Variants in CCDC170 observed in about 807,000 individuals in gnomAD.
The protein encoded by CCDC170 is coiled-coil domain containing 170, also known as coiled-coil domain-containing protein 170.
A neutral mutation model predicts 72.6 loss-of-function variants in CCDC170; 69 were observed. That is an observed-to-expected ratio of 0.95 (90% confidence interval 0.78 to 1.16). CCDC170 has a LOEUF of 1.16. CCDC170 is among the 50% of genes most tolerant of loss of function. The pLI, the probability that CCDC170 is intolerant of heterozygous loss-of-function variation, is 0.00. For missense variants in CCDC170, 852 were observed against 832.5 expected (o/e 1.02, Z -0.29); for synonymous variants, 300 against 303.9 (o/e 0.99, Z 0.13).
chr6:151,575,525 C>CTTTTTTTTTTTTTTTTTTTTTTTT (rs869185539), intron 6 of CCDC170, among the ~76,000 whole-genome samples: 1 of 79,664 alleles, frequency 1.3e-5, no homozygotes, highest in Non-Finnish European at 2.1e-5. Flanking sequence ...TCTTTTCTTT[C>CTTTTTTTTTTTTTTTTTTTTTTTT]TTTTTTTTTT....
chr6:151,509,612 T>G (rs1361364349), intron 1 of CCDC170, among the ~76,000 whole-genome samples: 1 of 152,160 alleles, frequency 6.6e-6, no homozygotes, highest in African/African-American at 2.4e-5. Flanking sequence ...ATGTGTACAG[T>G]TATGAACGTG....
At chr6:151,534,207 G>A (rs1469595768) in intron 1 of CCDC170, among the ~76,000 whole-genome samples, 1 of 151,762 alleles carries the variant, frequency 6.6e-6, no homozygotes, top group East Asian at 1.9e-4. Flanking sequence ...TGGGACAACA[G>A]GAACATGCCA....
intron 9 of CCDC170, among the ~76,000 whole-genome samples, chr6:151,598,260 T>A (rs1034417951): frequency 1.3e-5 from 2 of 152,132 alleles, no homozygotes; most frequent in African/African-American, 4.8e-5. Flanking sequence ...TAGGGTGGAA[T>A]AGCATCAGCT....
chr6:151,587,143 G>T (rs1048735114), intron 7 of CCDC170, among the ~76,000 whole-genome samples: 3 of 152,124 alleles, frequency 2.0e-5, no homozygotes, highest in African/African-American at 7.2e-5. Context: ...TTGTGGCATG[G>T]AGGGTCTCGG....
At chr6:151,591,207 A>G (rs895496411) in intron 7 of CCDC170, among the ~76,000 whole-genome samples, 2 of 152,200 alleles carry the variant, frequency 1.3e-5, no homozygotes, top group African/African-American at 4.8e-5. Flanking sequence ...TAAACATTTA[A>G]TTGCCTGAAT....
chr6:151,500,511 A>G (rs1781979754), intron 1 of CCDC170, among the ~76,000 whole-genome samples: 2 of 152,078 alleles, frequency 1.3e-5, no homozygotes, highest in African/African-American at 4.8e-5. Flanking sequence ...CATTAAAAAA[A>G]TCTAAATATA....
intron 9 of CCDC170, among the ~76,000 whole-genome samples, chr6:151,611,733 C>T (rs761201890): frequency 1.2e-4 from 18 of 151,822 alleles, no homozygotes; most frequent in Admixed American, 7.2e-4. Flanking sequence ...TTTTTTGCGA[C>T]GGAGTCTCAC....
intron 6 of CCDC170, among the ~76,000 whole-genome samples, chr6:151,581,394 C>G (rs1451645988): frequency 1.3e-5 from 2 of 152,174 alleles, no homozygotes; most frequent in Non-Finnish European, 2.9e-5. Flanking sequence ...CTTTGCTCAT[C>G]CATGAGAAGC....
chr6:151,502,797 C>T (rs1443056111), intron 1 of CCDC170, among the ~76,000 whole-genome samples: 1 of 152,140 alleles, frequency 6.6e-6, no homozygotes, highest in African/African-American at 2.4e-5. Context: ...AGATAAAGAA[C>T]TTTTTTCCTT....
chr6:151,613,339 G>T (rs1425756588), intron 9 of CCDC170, among the ~76,000 whole-genome samples: 1 of 152,208 alleles, frequency 6.6e-6, no homozygotes, highest in Admixed American at 6.5e-5. Context: ...GAAAGCAGAG[G>T]TTGCGGTGAG....
At chr6:151,607,011 T>C (rs892009654) in intron 9 of CCDC170, among the ~76,000 whole-genome samples, 1 of 152,182 alleles carries the variant, frequency 6.6e-6, no homozygotes, top group African/African-American at 2.4e-5. Context: ...GTGAAGTTGA[T>C]TTCTTATAGG....
chr6:151,547,450 C>T (rs1015921647), intron 4 of CCDC170, among the ~76,000 whole-genome samples: 1 of 152,038 alleles, frequency 6.6e-6, no homozygotes, highest in Non-Finnish European at 1.5e-5. Context: ...GTCTGAAGAG[C>T]GCCCCCGTGA....
intron 1 of CCDC170, among the ~76,000 whole-genome samples, chr6:151,525,297 A>T (rs1782387972): frequency 1.3e-5 from 2 of 152,180 alleles, no homozygotes; most frequent in African/African-American, 4.8e-5. Context: ...CAGGCCTCTG[A>T]GCCCAAGCTA....
At chr6:151,594,651 CTTTTCTTTTT>C (rs1326795180) in intron 8 of CCDC170, among the ~76,000 whole-genome samples, 1 of 149,874 alleles carries the variant, frequency 6.7e-6, no homozygotes, top group Non-Finnish European at 1.5e-5. Context: ...ATTTTCTTTT[CTTTTCTTTTT>C]TTTTTTTGAG....
intron 8 of CCDC170, among the ~76,000 whole-genome samples, chr6:151,594,802 C>G (rs1253681272): frequency 6.6e-6 from 1 of 152,118 alleles, no homozygotes; most frequent in African/African-American, 2.4e-5. Flanking sequence ...CAGGCACCTG[C>G]AACCATGCCT....
At chr6:151,524,625 A>T (rs1355312424) in intron 1 of CCDC170, among the ~76,000 whole-genome samples, 1 of 152,200 alleles carries the variant, frequency 6.6e-6, no homozygotes, top group Non-Finnish European at 1.5e-5. Flanking sequence ...AAATTAGAAC[A>T]TTACAAATGA....
chr6:151,615,386 A>G lies in CCDC170; in HGVS notation c.1711-57A>G. 3 of 1,200,070 alleles carry G rather than the reference A, an allele frequency of 2.5e-6. No homozygotes were observed. The South Asian group carries it at 3.8e-5, about 15-fold the overall frequency. 74.3% of individuals were successfully genotyped at this position (1,200,070 alleles called of 1,614,324 possible). On this transcript the variant is annotated intron_variant, in intron 9 of 10. Transcript: ENST00000239374. ...CATTGACTTCTGATTTGTCATGTTT[A>G]TACAGTTTTCCTAACTAAATACAAA...
chr6:151,578,048 C>CTTAA (rs1776328752), intron 6 of CCDC170, among the ~76,000 whole-genome samples: 1 of 152,164 alleles, frequency 6.6e-6, no homozygotes, highest in Admixed American at 6.5e-5. Flanking sequence ...CTGCTCTGTT[C>CTTAA]TTAACCCTGC....
chr6:151,561,966 T>C (rs543370541), intron 5 of CCDC170, among the ~76,000 whole-genome samples: 1 of 152,308 alleles, frequency 6.6e-6, no homozygotes, highest in South Asian at 2.1e-4. Context: ...TTAGAAAGAC[T>C]GGTTGTCAAG....
Sources: gnomAD v4.1 joint callset for allele counts (sites outside exome capture counted in the v4.1 genomes callset) on GRCh38, gnomAD v4.1.1 for gene constraint, MANE v1.5 for transcripts, NCBI Gene and HGNC (gene_info 2026-07-23, HGNC 2026-07-21) for gene names.